SH3BP4: variants seen among roughly 807,000 people sequenced by gnomAD.
SH3BP4 encodes SH3 domain-binding protein 4.
In SH3BP4, 33 loss-of-function variants were observed where a neutral mutation model predicts 65.5. That is an observed-to-expected ratio of 0.50 (90% CI 0.38 to 0.67). SH3BP4 has a LOEUF of 0.67. SH3BP4 is among the 30% of genes least tolerant of loss of function. The pLI, the probability that SH3BP4 is intolerant of heterozygous loss-of-function variation, is 0.00. For synonymous variants in SH3BP4, 552 were observed against 545.5 expected, an observed-to-expected ratio of 1.01 and a Z score of -0.17; for missense variants, 1,134 against 1,261.4, an observed-to-expected ratio of 0.90 and a Z score of 1.53.
In SH3BP4 at chr2:234,952,454, T is replaced by TCC. The variant is rs529955698; in HGVS notation, c.-207+285_-207+286dup. On this transcript the variant is annotated intron_variant, in intron 1 of 5. Coordinates refer to ENST00000392011, the MANE Select transcript of SH3BP4 (RefSeq NM_014521.3). The surrounding 1 kb of genome is among the most constrained non-coding windows in gnomAD (Gnocchi z 6.5). ...GGTTCCGGGCGCCGAGCCGCAGCCC[T>TCC]CCGCGTGCGCTCGGGCCGCCCCCCA... Among the ~76,000 whole-genome samples the TCC allele has an allele frequency of 6.5e-4, 98 of 150,400 alleles. No homozygotes were observed. The South Asian group carries it at 0.011, about 16-fold the overall frequency.
intron 2 of SH3BP4, among the ~76,000 whole-genome samples, chr2:235,007,987 T>G (rs1045816689): frequency 6.6e-6 from 1 of 151,894 alleles, no homozygotes; most frequent in African/African-American, 2.4e-5. Context: ...CCGTTGGGGG[T>G]GGAGGATGCC....
At chr2:234,990,331 C>T (rs187492677) in intron 1 of SH3BP4, among the ~76,000 whole-genome samples, 10 of 152,212 alleles carry the variant, frequency 6.6e-5, no homozygotes, top group East Asian at 3.9e-4. Flanking sequence ...CTCTTCTGGC[C>T]GATGGCTCCA....
chr2:235,025,211 G>A (rs1694960760), intron 2 of SH3BP4, among the ~76,000 whole-genome samples: 1 of 152,164 alleles, frequency 6.6e-6, no homozygotes, highest in Admixed American at 6.5e-5. Context: ...ACACTGGTGT[G>A]TCTGTGAGCT....
chr2:234,961,564 G>A (rs1002272533), intron 1 of SH3BP4, among the ~76,000 whole-genome samples: 8 of 152,146 alleles, frequency 5.3e-5, no homozygotes, highest in South Asian at 4.1e-4. Flanking sequence ...GAGCCACTGC[G>A]CCCGGCCTCC....
chr2:234,973,613 C>T (rs1413167947), intron 1 of SH3BP4, among the ~76,000 whole-genome samples: 1 of 151,916 alleles, frequency 6.6e-6, no homozygotes, highest in African/African-American at 2.4e-5. Context: ...TCACTTAATT[C>T]AGCTGTAGGC....
chr2:235,032,072 C>A (rs1398959324), intron 2 of SH3BP4, among the ~76,000 whole-genome samples: 1 of 152,218 alleles, frequency 6.6e-6, no homozygotes, highest in Non-Finnish European at 1.5e-5. Context: ...TTCCCTTCTG[C>A]AGGAGAGTTG....
At position 235,035,369 on chromosome 2, in the gene SH3BP4, C is replaced by A. The variant is rs571340178; in HGVS notation, c.118+249C>A. ...ATGTTTCTTTTTACTTGATAAAATTCGGTGACAGTGTGGTAGGGAGCTTGG... is the reference window on the plus strand; with the variant it reads ...ATGTTTCTTTTTACTTGATAAAATTAGGTGACAGTGTGGTAGGGAGCTTGG... On this transcript the variant is annotated intron_variant, in intron 3 of 5. Transcript: ENST00000392011. This position sits in a 1 kb window ranked among gnomAD's most constrained non-coding sequence, Gnocchi z 5.0. Among the ~76,000 whole-genome samples the A allele has an allele frequency of 7.6e-4, 116 of 152,242 alleles. No homozygotes were observed. In the Middle Eastern group the frequency reaches 0.01, roughly 13 times the overall value.
chr2:235,000,955 T>C lies in SH3BP4; in HGVS notation c.-133+5579T>C, dbSNP rs150662863. The stretch of plus-strand genomic sequence containing the variant: ...CCTTCCCCCAGGCAGCTCTGGACTT[T>C]GCTCTCAGTAAACACAACTTGATTC... On this transcript the variant is annotated intron_variant, in intron 2 of 5. Transcript: ENST00000392011. Among the ~76,000 whole-genome samples the C allele has an allele frequency of 6.6e-3, 1,008 of 152,374 alleles. 5 individuals are homozygous for C. Among genetic ancestry groups the C allele is most frequent in the Non-Finnish European group, 0.01 (702 of 68,038 alleles).
Position 235,041,479 on chromosome 2 carries a change from C to T in SH3BP4, c.710C>T (p.Pro237Leu), listed in dbSNP as rs1339053355. The change falls in exon 4 of 6, where the codon CCC becomes CTC. Residue 237 changes from proline to leucine, a missense_variant. Transcript: ENST00000392011. This position sits in a 1 kb window ranked among gnomAD's most constrained non-coding sequence, Gnocchi z 6.0. ...HAEPPVRRDN[P>L]FFRSKRSYSL... ...GAGCCGCCGGTCAGGCGGGACAACC[C>T]CTTCTTCAGAAGCAAGCGCTCCTAC... The T allele has an allele frequency of 1.9e-6, 3 of 1,614,080 alleles. No homozygotes were observed. The highest frequency in any genetic ancestry group is 1.7e-5 in the Admixed American group (1 of 60,006).
chr2:234,983,879 C>T (rs1360919854), intron 1 of SH3BP4, among the ~76,000 whole-genome samples: 1 of 152,260 alleles, frequency 6.6e-6, no homozygotes, highest in African/African-American at 2.4e-5. Flanking sequence ...GGCACTGGCC[C>T]TGTCGTCAGC....
chr2:234,969,473 C>T lies in SH3BP4; in HGVS notation c.-207+17303C>T, dbSNP rs559699998. On this transcript the variant is annotated intron_variant, in intron 1 of 5. Coordinates refer to ENST00000392011, the MANE Select transcript of SH3BP4 (RefSeq NM_014521.3). ...TGGGAGGCCACCCTTGTTCCTCCTG[C>T]CCATTCATTCGTTGATTCTCTCAGC... Among the ~76,000 whole-genome samples the T allele has an allele frequency of 5.3e-5, 8 of 152,286 alleles. No homozygotes were observed. In the East Asian group the frequency reaches 1.2e-3, roughly 22 times the overall value.
chr2:235,042,553 A>G lies in SH3BP4; in HGVS notation c.1784A>G (p.Asp595Gly). The change falls in exon 4 of 6, where the codon GAC becomes GGC. Residue 595 changes from aspartate (D) to glycine (G), a missense_variant. Coordinates refer to ENST00000392011, the MANE Select transcript of SH3BP4 (RefSeq NM_014521.3). This position sits in a 1 kb window ranked among gnomAD's most constrained non-coding sequence, Gnocchi z 7.3. ...SDFTLRVQVK[D>G]DQEAILTQFC... ...TTCACGCTGCGGGTTCAGGTGAAGG[A>G]CGACCAGGAGGCCATCCTCACCCAG... is the stretch of plus-strand genomic sequence containing the variant. The G allele has an allele frequency of 6.2e-7, 1 of 1,614,092 alleles. No individual in the cohort carries two copies. The highest frequency in any genetic ancestry group is 8.5e-7 in the Non-Finnish European group (1 of 1,180,016).
intron 1 of SH3BP4, among the ~76,000 whole-genome samples, chr2:234,983,915 A>G (rs58637817): frequency 0.012 from 1,767 of 152,334 alleles, 41 homozygotes; most frequent in African/African-American, 0.037. Flanking sequence ...TCAGATTTCC[A>G]GCCTCCAGAA....
intron 1 of SH3BP4, among the ~76,000 whole-genome samples, chr2:234,994,070 C>T (rs537078692): frequency 6.6e-6 from 1 of 152,160 alleles, no homozygotes; most frequent in Non-Finnish European, 1.5e-5. Context: ...TTAGAAGGTC[C>T]GTGTCTACGT....
chr2:235,043,219 G>A lies in SH3BP4; in HGVS notation c.2450G>A (p.Arg817Gln), dbSNP rs1695737749. Residue 817 changes from arginine to glutamine, a missense_variant, in exon 4 of 6, where the codon CGG (arginine) becomes CAG (glutamine). Arg to Gln is a conservative substitution (Grantham distance 43). Coordinates refer to ENST00000392011, the MANE Select transcript of SH3BP4 (RefSeq NM_014521.3). Reference sequence around the variant, plus strand: ...TGTAACAACACTGAGAACAAAGAACGGAAGTCCTTCCAGAAGGAGCTTGTG... The same window carrying A: ...TGTAACAACACTGAGAACAAAGAACAGAAGTCCTTCCAGAAGGAGCTTGTG... ...EDCNNTENKE[R>Q]KSFQKELVMA... 4 of 1,583,644 alleles carry A rather than the reference G, an allele frequency of 2.5e-6. No homozygotes were observed. The highest frequency in any genetic ancestry group is 2.3e-5 in the South Asian group (2 of 88,500).
chr2:235,043,996 G>A (rs540990693), intron 4 of SH3BP4, among the ~76,000 whole-genome samples: 101 of 152,360 alleles, frequency 6.6e-4, no homozygotes, highest in African/African-American at 2.2e-3. Flanking sequence ...GGCAGAAGGC[G>A]GCCTGTGCTC....
chr2:234,981,728 G>A (rs979758801), intron 1 of SH3BP4: 8 of 152,338 alleles, frequency 5.3e-5, no homozygotes, highest in African/African-American at 1.9e-4. Context: ...CGGGATGGAG[G>A]TGAGCGGTTT....
In SH3BP4 at chr2:235,035,257, T is replaced by A. The variant is rs1174752243; in HGVS notation, c.118+137T>A. 3 of 730,990 alleles carry A rather than the reference T, an allele frequency of 4.1e-6. No homozygotes were observed. The highest frequency in any genetic ancestry group is 7.2e-6 in the Non-Finnish European group (3 of 416,724). 45.3% of individuals were successfully genotyped at this position (730,990 alleles called of 1,614,324 possible). A position where few individuals can be genotyped will look rare whatever the true frequency, so the allele number is the denominator to read the frequency against. On this transcript the variant is annotated intron_variant, in intron 3 of 5. Coordinates refer to ENST00000392011, the MANE Select transcript of SH3BP4 (RefSeq NM_014521.3). This position sits in a 1 kb window ranked among gnomAD's most constrained non-coding sequence, Gnocchi z 5.0. ...AAGTTTAGTTCTTTAAACTTCATCA[T>A]GGTAATAGATTTAGCCCTGGAATCA...
intron 1 of SH3BP4, among the ~76,000 whole-genome samples, chr2:234,990,510 GT>G (rs1478856671): frequency 6.6e-6 from 1 of 152,244 alleles, no homozygotes; most frequent in Non-Finnish European, 1.5e-5. Flanking sequence ...AACAAAATTA[GT>G]TTTGTGTGTT....
Sources: allele counts gnomAD v4.1 joint callset (sites outside exome capture counted in the v4.1 genomes callset), GRCh38; gene constraint gnomAD v4.1.1; non-coding constraint Gnocchi (gnomAD v3.1); transcripts MANE v1.5; gene names NCBI Gene and HGNC (gene_info 2026-07-23, HGNC 2026-07-21).